SLC7A2: variants seen among roughly 807,000 people sequenced by gnomAD.
SLC7A2 encodes the protein cationic amino acid transporter 2.
Under a neutral mutation model 58.9 loss-of-function variants are expected in SLC7A2, and 48 were observed. That is an observed-to-expected ratio of 0.82 (90% CI 0.65 to 1.04). The LOEUF is 1.04. SLC7A2 is among the 50% of genes least tolerant of loss of function. The pLI is 0.00. For synonymous variants in SLC7A2, 363 were observed against 314.5 expected (o/e 1.15, Z -1.63); for missense variants, 1,029 against 818.8 (o/e 1.26, Z -3.13).
At chr8:17,500,684 G>C (rs1800118296) in intron 1 of SLC7A2, 1 of 152,172 alleles carries the variant, frequency 6.6e-6, no homozygotes, top group Non-Finnish European at 1.5e-5. Context: ...AGCTGCTTGG[G>C]AAGCTGAGGC....
chr8:17,509,643 C>G (rs1394368809), intron 2 of SLC7A2, among the ~76,000 whole-genome samples: 1 of 152,042 alleles, frequency 6.6e-6, no homozygotes, highest in African/African-American at 2.4e-5. Context: ...AAAAGAGAAA[C>G]AAGAGTGCAA....
At chr8:17,529,738 T>C (rs973387095) in intron 2 of SLC7A2, among the ~76,000 whole-genome samples, 8 of 152,104 alleles carry the variant, frequency 5.3e-5, no homozygotes, top group Non-Finnish European at 1.2e-4. Flanking sequence ...TTTTACACCA[T>C]GTTAGCTAGG....
Position 17,569,534 on chromosome 8 carries a change from T to A in SLC7A2, c.*4388T>A, listed in dbSNP as rs2150799301. On this transcript the variant is annotated 3_prime_UTR_variant, in exon 13 of 13. Coordinates refer to ENST00000494857, the MANE Select transcript of SLC7A2 (RefSeq NM_001370338.1). ...AAGTTCATATAGATATGAAATTGCT[T>A]GACTTTATTGTTTTGGGGAGATTTT... The A allele has an allele frequency of 6.6e-6, 1 of 152,306 alleles. No homozygotes were observed. The highest frequency in any genetic ancestry group is 1.9e-4 in the East Asian group (1 of 5,186). 9.4% of individuals were successfully genotyped at this position (152,306 alleles called of 1,614,324 possible).
intron 5 of SLC7A2, 45 bp from the exon 6 acceptor site, chr8:17,550,255 GT>G (rs1585251308): frequency 6.3e-7 from 1 of 1,593,470 alleles, no homozygotes; most frequent in Non-Finnish European, 8.6e-7. Context: ...CAGAAGGAGA[GT>G]TTTCTGTCAA....
chr8:17,544,712 A>G, intron 4 of SLC7A2, 106 bp downstream of exon 4: 1 of 886,870 alleles, frequency 1.1e-6, no homozygotes, highest in African/African-American at 1.7e-5. Flanking sequence ...TGAGATTAGT[A>G]TATTTACACA....
rs911013699 is a variant in SLC7A2 at position 17,558,067 on chromosome 8, G to A, written c.1196-228G>A. The stretch of plus-strand genomic sequence containing the variant: ...TTTTTATGTAATCCAAGTAGAATGC[G>A]CCTTGGATAGTTGCCAGAGAGCTGA... On this transcript the variant is annotated intron_variant, in intron 8 of 12. Transcript: ENST00000494857. 5.9e-5 allele frequency among the ~76,000 whole-genome samples: 9 copies of A among 152,078 alleles called. No individual in the cohort carries two copies. The East Asian group carries it at 7.7e-4, about 13-fold the overall frequency.
At chr8:17,499,568 A>G (rs1018854628) in intron 1 of SLC7A2, among the ~76,000 whole-genome samples, 2 of 149,488 alleles carry the variant, frequency 1.3e-5, no homozygotes, top group Non-Finnish European at 2.9e-5. Flanking sequence ...CACTGATTTT[A>G]AAGACTCTTA....
chr8:17,503,163 G>T (rs1302834146), intron 2 of SLC7A2, among the ~76,000 whole-genome samples: 1 of 151,890 alleles, frequency 6.6e-6, no homozygotes, highest in Non-Finnish European at 1.5e-5. Context: ...CCATTCTCCT[G>T]CCTCAGCCTC....
intron 11 of SLC7A2, among the ~76,000 whole-genome samples, chr8:17,562,986 C>G (rs1217548974): frequency 6.6e-6 from 1 of 152,004 alleles, no homozygotes; most frequent in Non-Finnish European, 1.5e-5. Flanking sequence ...ACAAAACAAA[C>G]AAACAAATTA....
chr8:17,568,976 TAAAA>T lies in SLC7A2; in HGVS notation c.*3832_*3835del. ...GACCCTGCCTCAAAAAAAATAAAAA[TAAAA>T]ATAAAACACTTTAATTAGAATCTAT... On this transcript the variant is annotated 3_prime_UTR_variant, in exon 13 of 13. Transcript: ENST00000494857. 1 of 152,144 alleles carries T rather than the reference TAAAA, an allele frequency of 6.6e-6. No homozygotes were observed. The highest frequency in any genetic ancestry group is 2.4e-5 in the African/African-American group (1 of 41,528). 9.4% of individuals were successfully genotyped at this position (152,144 alleles called of 1,614,324 possible). A position where few individuals can be genotyped will look rare whatever the true frequency, so the allele number is the denominator to read the frequency against.
chr8:17,507,401 C>T (rs562418183), intron 2 of SLC7A2, among the ~76,000 whole-genome samples: 11 of 151,580 alleles, frequency 7.3e-5, no homozygotes, highest in East Asian at 3.9e-4. Flanking sequence ...TGTGTGGAGA[C>T]GGGGGTCTCA....
intron 2 of SLC7A2, among the ~76,000 whole-genome samples, chr8:17,507,743 A>G (rs764896961): frequency 4.6e-5 from 7 of 152,222 alleles, no homozygotes; most frequent in African/African-American, 1.7e-4. Flanking sequence ...ATAACATGTA[A>G]TAGAAATATG....
In SLC7A2 at chr8:17,560,448, C is replaced by T; in HGVS notation, c.1419C>T (p.Gly473=). The T allele has an allele frequency of 4.3e-6, 7 of 1,614,060 alleles. No homozygotes were observed. Among genetic ancestry groups the T allele is most frequent in the Non-Finnish European group, 5.9e-6 (7 of 1,179,934 alleles). Reference sequence around the variant, plus strand: ...AGGTCACCATGCTGCAGAGACAGGGCTTCAGCATGCGGACCCTCTTCTGCC... The same window carrying T: ...AGGTCACCATGCTGCAGAGACAGGGTTTCAGCATGCGGACCCTCTTCTGCC... The part of the protein sequence containing the change: ...ESQVTMLQRQ[G]FSMRTLFCPS... The change falls in exon 10 of 13, where the codon GGC becomes GGT. Residue 473 remains glycine, a synonymous_variant. Transcript: ENST00000494857.
Position 17,567,460 on chromosome 8 carries a change from C to G in SLC7A2, c.*2314C>G, listed in dbSNP as rs1377864030. The G allele has an allele frequency of 1.3e-5, 2 of 152,594 alleles. No individual in the cohort carries two copies. The highest frequency in any genetic ancestry group is 6.5e-5 in the Admixed American group (1 of 15,278). The allele number at this position is 152,594 out of a possible 1,614,324, so 9.5% of individuals were successfully genotyped here. A position where few individuals can be genotyped will look rare whatever the true frequency, so the allele number is the denominator to read the frequency against. On this transcript the variant is annotated 3_prime_UTR_variant, in exon 13 of 13. Transcript: ENST00000494857. ...TGAAACACTTTGCAGACACAAATAT[C>G]TATGAAAAGATGCTTTGTCAGCCAC...
chr8:17,557,217 ACAT>A (rs1802748362), intron 8 of SLC7A2, among the ~76,000 whole-genome samples: 1 of 152,224 alleles, frequency 6.6e-6, no homozygotes, highest in South Asian at 2.1e-4. Context: ...GGGATCTGAA[ACAT>A]CATATAAATG....
At chr8:17,499,822 G>C (rs1800084818) in intron 1 of SLC7A2, among the ~76,000 whole-genome samples, 1 of 152,076 alleles carries the variant, frequency 6.6e-6, no homozygotes, top group Non-Finnish European at 1.5e-5. Flanking sequence ...AAACCATATA[G>C]ATACAACCTT....
intron 2 of SLC7A2, among the ~76,000 whole-genome samples, chr8:17,523,571 T>C (rs909824066): frequency 1.3e-5 from 2 of 152,128 alleles, no homozygotes; most frequent in Non-Finnish European, 2.9e-5. Context: ...TGTAGAAGAA[T>C]GAAACTGGAT....
chr8:17,534,708 A>C (rs75517551), intron 2 of SLC7A2, among the ~76,000 whole-genome samples: 1 of 152,030 alleles, frequency 6.6e-6, no homozygotes, highest in East Asian at 1.9e-4. Flanking sequence ...AAAAAAAAAA[A>C]AAAAACAAGA....
At chr8:17,495,904 T>A (rs1241204227), upstream of SLC7A2, among the ~76,000 whole-genome samples, 1 of 152,216 alleles carries the variant, frequency 6.6e-6, no homozygotes, top group Admixed American at 6.5e-5. Context: ...TACATTGAGA[T>A]TTTGTGTGTG....
Sources: allele counts gnomAD v4.1 joint callset (sites outside exome capture counted in the v4.1 genomes callset), GRCh38; gene constraint gnomAD v4.1.1; transcripts MANE v1.5; gene names NCBI Gene and HGNC (gene_info 2026-07-23, HGNC 2026-07-21).